DOCK1: variants seen among roughly 807,000 people sequenced by gnomAD.
The protein encoded by DOCK1 is dedicator of cytokinesis protein 1.
DOCK1 carries 138 observed loss-of-function variants against 262.7 expected under a neutral mutation model. The observed-to-expected ratio is 0.53, with a 90% confidence interval of 0.46 to 0.61. DOCK1 has a LOEUF of 0.61. Among genes scored for constraint, DOCK1 ranks in the 20% least tolerant of loss-of-function variants. The pLI, the probability that DOCK1 is intolerant of heterozygous loss-of-function variation, is 0.00. For synonymous variants in DOCK1, 866 were observed against 867.4 expected, an observed-to-expected ratio of 1.00 and a Z score of 0.03; for missense variants, 1,908 against 2,370.7, an observed-to-expected ratio of 0.80 and a Z score of 4.05.
At chr10:127,374,953 T>C (rs2134047587) in intron 35 of DOCK1, among the ~76,000 whole-genome samples, 1 of 152,322 alleles carries the variant, frequency 6.6e-6, no homozygotes, top group Non-Finnish European at 1.5e-5. Flanking sequence ...TATCTGTTGT[T>C]TTAGGTTTAT....
Position 127,175,892 on chromosome 10 carries a change from G to A in DOCK1, c.2847+48128G>A. The A allele has an allele frequency of 1.2e-6, 2 of 1,614,172 alleles. No homozygotes were observed. The highest frequency in any genetic ancestry group is 1.7e-6 in the Non-Finnish European group (2 of 1,180,034). Reference sequence around the variant, plus strand: ...AATGGAAAACCAAGGCTGTGGTCTTGTGCACCCGCCCCGCGCCACATGGCC... The same window carrying A: ...AATGGAAAACCAAGGCTGTGGTCTTATGCACCCGCCCCGCGCCACATGGCC... On this transcript the variant is annotated intron_variant, in intron 27 of 51. Transcript: ENST00000623213. This position sits in a 1 kb window ranked among gnomAD's most constrained non-coding sequence, Gnocchi z 6.3.
chr10:126,943,490 T>C (rs1290291034), intron 1 of DOCK1, among the ~76,000 whole-genome samples: 1 of 152,108 alleles, frequency 6.6e-6, no homozygotes, highest in Non-Finnish European at 1.5e-5. Flanking sequence ...GTTAAACGAG[T>C]AAGTGTATGT....
chr10:127,056,407 G>T (rs1166284232), intron 22 of DOCK1, among the ~76,000 whole-genome samples: 1 of 152,084 alleles, frequency 6.6e-6, no homozygotes, highest in African/African-American at 2.4e-5. Flanking sequence ...TGTTGCCCAG[G>T]CTGGTCTCAA....
intron 38 of DOCK1, among the ~76,000 whole-genome samples, chr10:127,389,572 C>G (rs2066345909): frequency 1.3e-5 from 2 of 152,182 alleles, no homozygotes; most frequent in Admixed American, 1.3e-4. Flanking sequence ...TGGTTTCGAT[C>G]TGGGTCCCTG....
rs1331186166 is a variant in DOCK1, at chr10:126,934,500, TA to T, written c.46+28940del. 4.5e-3 allele frequency among the ~76,000 whole-genome samples: 683 copies of T among 152,364 alleles called. 1 individual carries two copies. Among genetic ancestry groups the T allele is most frequent in the African/African-American group, 0.016 (652 of 41,592 alleles). On this transcript the variant is annotated intron_variant, in intron 1 of 51. Transcript: ENST00000623213. ...TTGGTCGTTTAGAATCCAAAGCTGA[TA>T]AATTCTGCAAATACCCAAAGACGAG... is the stretch of plus-strand genomic sequence containing the variant.
chr10:127,274,818 C>T (rs531411519), intron 29 of DOCK1, among the ~76,000 whole-genome samples: 32 of 152,158 alleles, frequency 2.1e-4, no homozygotes, highest in Admixed American at 6.5e-5. Flanking sequence ...GAAGTAAATT[C>T]ACTTTAATTA....
intron 23 of DOCK1, among the ~76,000 whole-genome samples, chr10:127,104,819 G>C (rs527802410): frequency 3.3e-5 from 5 of 152,140 alleles, no homozygotes; most frequent in Admixed American, 2.0e-4. Flanking sequence ...ACTTTCCCCC[G>C]ACTGAATTTA....
chr10:127,381,105 G>C (rs1298461806), intron 36 of DOCK1, among the ~76,000 whole-genome samples, 173 bp from the exon 37 acceptor site: 1 of 152,102 alleles, frequency 6.6e-6, no homozygotes, highest in Non-Finnish European at 1.5e-5. Context: ...TTTTTCCTGA[G>C]TTTTTCTTAG....
rs376332631 is a variant in DOCK1 at position 127,362,102 on chromosome 10, C to A, written c.3322C>A (p.Pro1108Thr). 6.0e-5 allele frequency: 96 copies of A among 1,613,130 alleles called. No homozygotes were observed. The highest frequency in any genetic ancestry group is 6.6e-5 in the Non-Finnish European group (78 of 1,179,696). Residue 1108 changes from proline (P) to threonine (T), a missense_variant, in exon 33 of 52, where the codon CCA becomes ACA. Pro to Thr is a conservative substitution (Grantham distance 38, BLOSUM62 -1). Around this residue, in one of 9 missense-constraint regions of DOCK1, gnomAD observed 518 missense variants for 575.1 expected, o/e 0.90. Transcript: ENST00000623213. ...AAAGTTCATTCCAGAAATGGTGGGCCCAATATTAGAAATGACATTAATTCC... is the reference window on the plus strand; with the variant it reads ...AAAGTTCATTCCAGAAATGGTGGGCACAATATTAGAAATGACATTAATTCC... ...KIKFIPEMVG[P>T]ILEMTLIPET...
At chr10:127,428,770 G>T in intron 47 of DOCK1, among the ~76,000 whole-genome samples, 1 of 138,784 alleles carries the variant, frequency 7.2e-6, no homozygotes, top group Admixed American at 7.4e-5. Flanking sequence ...GTACCGTGTG[G>T]ACTGTGGTGC....
chr10:127,003,072 G>T (rs527403536), intron 10 of DOCK1, among the ~76,000 whole-genome samples: 2 of 151,824 alleles, frequency 1.3e-5, no homozygotes, highest in South Asian at 2.1e-4. Context: ...GTGAACCTGC[G>T]TGAACCTTTA....
chr10:126,946,333 G>C (rs1783556016), intron 1 of DOCK1, among the ~76,000 whole-genome samples: 1 of 152,068 alleles, frequency 6.6e-6, no homozygotes, highest in Non-Finnish European at 1.5e-5. Context: ...GATCACTTGA[G>C]GTCAGGAGTT....
chr10:127,384,754 C>T (rs766741242), intron 37 of DOCK1, 36 bp from the exon 38 acceptor site: 107 of 1,512,902 alleles, frequency 7.1e-5, no homozygotes, highest in Middle Eastern at 5.5e-4. Flanking sequence ...TGGGTGTTTC[C>T]GCCTCGGGTC....
chr10:126,933,642 T>A (rs1371671648), intron 1 of DOCK1, among the ~76,000 whole-genome samples: 1 of 152,048 alleles, frequency 6.6e-6, no homozygotes, highest in Non-Finnish European at 1.5e-5. Flanking sequence ...CAGGAGGACA[T>A]ACATGCAGGG....
chr10:126,984,199 G>A (rs1445976232), intron 4 of DOCK1, among the ~76,000 whole-genome samples: 1 of 151,918 alleles, frequency 6.6e-6, no homozygotes, highest in African/African-American at 2.4e-5. Flanking sequence ...TGCTCACATC[G>A]GGACCACCAG....
intron 27 of DOCK1, chr10:127,192,514 C>T (rs2056829618): frequency 6.6e-6 from 1 of 152,190 alleles, no homozygotes; most frequent in Non-Finnish European, 1.5e-5. Flanking sequence ...CATCTTTATA[C>T]ACCTCAAAGT....
intron 44 of DOCK1, among the ~76,000 whole-genome samples, chr10:127,416,346 T>C (rs1477611746): frequency 6.6e-6 from 1 of 152,162 alleles, no homozygotes; most frequent in African/African-American, 2.4e-5. Context: ...TAGTGAGGCA[T>C]TGTACATGTG....
At chr10:127,261,823 A>T (rs1283783300) in intron 29 of DOCK1, among the ~76,000 whole-genome samples, 6 of 72,354 alleles carry the variant, frequency 8.3e-5, no homozygotes, top group Admixed American at 5.7e-4. Flanking sequence ...GTGTACCTGC[A>T]TTGTGTGCAT....
chr10:127,018,510 G>A, intron 12 of DOCK1, 200 bp from the exon 13 acceptor site: 3 of 684,950 alleles, frequency 4.4e-6, no homozygotes, highest in Non-Finnish European at 7.2e-6. Context: ...GGCAGGGCTG[G>A]CATCCCAGCT....
Sources: gnomAD v4.1 joint callset for allele counts (sites outside exome capture counted in the v4.1 genomes callset) on GRCh38, gnomAD v4.1.1 for gene constraint, gnomAD v4.1.1 regional missense constraint, Gnocchi (gnomAD v3.1) non-coding constraint, MANE v1.5 for transcripts, NCBI Gene and HGNC (gene_info 2026-07-23, HGNC 2026-07-21) for gene names.